The following CA8 variants were observed in gnomAD, a reference collection of about 807,000 sequenced individuals.
CA8 encodes carbonic anhydrase-related protein.
Under a neutral mutation model 41.4 loss-of-function variants are expected in CA8, and 22 were observed. That is an observed-to-expected ratio of 0.53 (90% CI 0.38 to 0.76). The LOEUF is 0.76. Among genes scored for constraint, CA8 ranks in the 30% least tolerant of loss-of-function variants. The pLI, the probability that CA8 is intolerant of heterozygous loss-of-function variation, is 0.00. For synonymous variants in CA8, 121 were observed against 130.6 expected, an observed-to-expected ratio of 0.93 and a Z score of 0.50; for missense variants, 270 against 352.8, an observed-to-expected ratio of 0.77 and a Z score of 1.88.
At chr8:60,212,989 A>G (rs903192643) in intron 7 of CA8, among the ~76,000 whole-genome samples, 6 of 152,216 alleles carry the variant, frequency 3.9e-5, no homozygotes, top group Non-Finnish European at 1.5e-5. Flanking sequence ...TCAAAAGCAA[A>G]TTGTACTTAA....
At position 60,206,554 on chromosome 8, in the gene CA8, CT is replaced by C. The variant is rs373870098; in HGVS notation, c.*35+2195del. Among the ~76,000 whole-genome samples, 22 of 152,252 alleles carry C rather than the reference CT, an allele frequency of 1.4e-4. No homozygotes were observed. The East Asian group carries it at 4.1e-3, about 28-fold the overall frequency. The stretch of plus-strand genomic sequence containing the variant: ...GACTGGAGAAATGCATAAATTCACG[CT>C]TTGCAACCCTCATCCCACCCCCGCT... On this transcript the variant is annotated intron_variant, in intron 8 of 8. Coordinates refer to ENST00000317995, the MANE Select transcript of CA8 (RefSeq NM_004056.6).
intron 3 of CA8, among the ~76,000 whole-genome samples, chr8:60,245,187 T>C (rs946436730): frequency 3.9e-5 from 6 of 151,992 alleles, no homozygotes; most frequent in Admixed American, 1.3e-4. Context: ...ATAAACACCA[T>C]ATATCTTCAA....
intron 2 of CA8, among the ~76,000 whole-genome samples, chr8:60,276,140 G>A (rs1804225415): frequency 6.6e-6 from 1 of 152,166 alleles, no homozygotes; most frequent in Non-Finnish European, 1.5e-5. Flanking sequence ...AGATGACGGA[G>A]CAACTCAAAA....
chr8:60,281,011 C>G (rs74792169), intron 1 of CA8, 37 bp downstream of exon 1: 3 of 1,502,438 alleles, frequency 2.0e-6, no homozygotes, highest in Non-Finnish European at 2.8e-6. Flanking sequence ...CTGACGCCGC[C>G]GCGGGACCCC....
intron 8 of CA8, among the ~76,000 whole-genome samples, chr8:60,200,626 T>C (rs902622705): frequency 6.6e-6 from 1 of 152,208 alleles, no homozygotes; most frequent in Non-Finnish European, 1.5e-5. Context: ...AGATCTAATG[T>C]AGATCAGTTT....
At chr8:60,252,044 T>C (rs922281114) in intron 3 of CA8, among the ~76,000 whole-genome samples, 3 of 152,210 alleles carry the variant, frequency 2.0e-5, no homozygotes, top group African/African-American at 7.2e-5. Context: ...CCATGTAATT[T>C]GATGCATCTT....
intron 8 of CA8, among the ~76,000 whole-genome samples, chr8:60,204,360 T>C (rs1435618044): frequency 6.6e-6 from 1 of 152,210 alleles, no homozygotes; most frequent in Non-Finnish European, 1.5e-5. Context: ...AGTTGGCCCA[T>C]GACTGCAAAA....
rs550867199 is a variant in CA8, at chr8:60,276,581, T to C, written c.292+3108A>G. On this transcript the variant is annotated intron_variant, in intron 2 of 8. Coordinates refer to ENST00000317995, the MANE Select transcript of CA8 (RefSeq NM_004056.6). ...CAGTTGTAATAATAAAAATAATGAG[T>C]ATTAATTTAAATAAAAATTAATTTA... Among the ~76,000 whole-genome samples the C allele has an allele frequency of 1.8e-4, 27 of 152,162 alleles. No individual in the cohort carries two copies. The South Asian group carries it at 5.2e-3, about 29-fold the overall frequency.
In CA8 at chr8:60,261,001, G is replaced by A. The variant is rs189805301; in HGVS notation, c.417+4924C>T. ...CTTTCTGGGAGGTGAACATGCAAAT[G>A]ACTTGGGGAGCAGCAATCTTAAAGA... On this transcript the variant is annotated intron_variant, in intron 3 of 8. Transcript: ENST00000317995. Among the ~76,000 whole-genome samples the A allele has an allele frequency of 1.8e-3, 276 of 152,202 alleles. 1 individual carries two copies. The highest frequency in any genetic ancestry group is 3.3e-3 in the Non-Finnish European group (225 of 68,010).
chr8:60,229,896 C>T (rs1247648375), intron 4 of CA8, among the ~76,000 whole-genome samples: 2 of 152,188 alleles, frequency 1.3e-5, no homozygotes, highest in Admixed American at 1.3e-4. Flanking sequence ...CATCTGCTCT[C>T]TGATGGATCA....
At chr8:60,266,498 G>A (rs576303000) in intron 2 of CA8, among the ~76,000 whole-genome samples, 2 of 152,272 alleles carry the variant, frequency 1.3e-5, no homozygotes, top group South Asian at 4.2e-4. Context: ...CCAATTTAGC[G>A]AACGGGTGTG....
At chr8:60,252,646 A>G (rs936511214) in intron 3 of CA8, among the ~76,000 whole-genome samples, 1 of 152,098 alleles carries the variant, frequency 6.6e-6, no homozygotes, top group Admixed American at 6.5e-5. Context: ...AGGAACCGCA[A>G]CCCCAACTAC....
intron 3 of CA8, among the ~76,000 whole-genome samples, chr8:60,235,202 G>A (rs1284409407): frequency 2.0e-5 from 3 of 152,228 alleles, no homozygotes; most frequent in African/African-American, 7.2e-5. Context: ...AGATCAAGGT[G>A]TGGGCAGGGC....
Position 60,188,090 on chromosome 8 carries a change from A to T in CA8, c.*1931T>A, listed in dbSNP as rs1218065072. 1 of 152,260 alleles carries T rather than the reference A, an allele frequency of 6.6e-6. No individual in the cohort carries two copies. The highest frequency in any genetic ancestry group is 6.5e-5 in the Admixed American group (1 of 15,278). The allele number at this position is 152,260 out of a possible 1,614,324, so 9.4% of individuals were successfully genotyped here. Reference sequence around the variant, plus strand: ...AACAATGTCACCAATGGACACCATGATCTGAACCAAGTAGTTCATTTCAGT... The same window carrying T: ...AACAATGTCACCAATGGACACCATGTTCTGAACCAAGTAGTTCATTTCAGT... On this transcript the variant is annotated 3_prime_UTR_variant, in exon 9 of 9. Transcript: ENST00000317995.
intron 8 of CA8, among the ~76,000 whole-genome samples, chr8:60,197,336 C>T (rs1806308946): frequency 6.6e-6 from 1 of 151,688 alleles, no homozygotes; most frequent in African/African-American, 2.4e-5. Context: ...AGATACATTA[C>T]ATATATATGT....
intron 4 of CA8, among the ~76,000 whole-genome samples, chr8:60,230,210 C>A (rs972251650): frequency 6.6e-6 from 1 of 152,158 alleles, no homozygotes; most frequent in Non-Finnish European, 1.5e-5. Context: ...TCCTCCTGGC[C>A]CTCTGTTTTG....
chr8:60,253,270 T>C (rs1808513428), intron 3 of CA8, among the ~76,000 whole-genome samples: 1 of 152,198 alleles, frequency 6.6e-6, no homozygotes, highest in Non-Finnish European at 1.5e-5. Flanking sequence ...ATATGGATAG[T>C]AGTGAAAGTG....
At chr8:60,226,588 A>G (rs1807447122) in intron 5 of CA8, among the ~76,000 whole-genome samples, 1 of 152,134 alleles carries the variant, frequency 6.6e-6, no homozygotes, top group Non-Finnish European at 1.5e-5. Context: ...AACACTTCAC[A>G]CATGTTGTGA....
chr8:60,232,131 AC>A (rs1386869951), intron 4 of CA8, among the ~76,000 whole-genome samples, 152 bp downstream of exon 4: 1 of 152,184 alleles, frequency 6.6e-6, no homozygotes, highest in African/African-American at 2.4e-5. Context: ...ACTCCGATAA[AC>A]CATAAGGATC....
Sources: gnomAD v4.1 joint callset for allele counts (sites outside exome capture counted in the v4.1 genomes callset) on GRCh38, gnomAD v4.1.1 for gene constraint, MANE v1.5 for transcripts, NCBI Gene and HGNC (gene_info 2026-07-23, HGNC 2026-07-21) for gene names.